GPC6: variants seen among roughly 807,000 people sequenced by gnomAD.
GPC6 encodes the protein glypican-6.
A neutral mutation model predicts 55.2 loss-of-function variants in GPC6; 14 were observed. The observed-to-expected ratio is 0.25, with a 90% CI of 0.17 to 0.40. The LOEUF (loss-of-function observed/expected upper bound fraction) is 0.40, where lower values mean the gene tolerates loss of function less well. GPC6 is among the 10% of genes least tolerant of loss of function. GPC6 has a pLI of 1.00. For synonymous variants in GPC6, 278 were observed against 259.6 expected (o/e 1.07, Z -0.68); for missense variants, 641 against 708.5 (o/e 0.90, Z 1.08).
At chr13:93,568,683 T>A (rs1470793297) in intron 2 of GPC6, among the ~76,000 whole-genome samples, 1 of 152,146 alleles carries the variant, frequency 6.6e-6, no homozygotes, top group Admixed American at 6.6e-5. Flanking sequence ...CCTCTGCACA[T>A]CCTTACAACA....
At chr13:93,726,100 T>TCACACA (rs1358564731) in intron 2 of GPC6, among the ~76,000 whole-genome samples, 4 of 93,720 alleles carry the variant, frequency 4.3e-5, no homozygotes, top group South Asian at 4.0e-4. Flanking sequence ...ACTTTTTCCT[T>TCACACA]CATACACACA....
At chr13:93,781,070 G>A (rs899050125) in intron 2 of GPC6, among the ~76,000 whole-genome samples, 1 of 151,794 alleles carries the variant, frequency 6.6e-6, no homozygotes, top group Non-Finnish European at 1.5e-5. Context: ...AAGGTCCAGA[G>A]ATCGAGACCA....
chr13:94,006,762 G>A (rs1304116422), intron 3 of GPC6, among the ~76,000 whole-genome samples: 1 of 152,152 alleles, frequency 6.6e-6, no homozygotes, highest in East Asian at 1.9e-4. Flanking sequence ...TCCGTTTCCA[G>A]AGATGAAATT....
At chr13:94,199,409 T>C (rs528521286) in intron 4 of GPC6, among the ~76,000 whole-genome samples, 3 of 152,294 alleles carry the variant, frequency 2.0e-5, no homozygotes, top group Admixed American at 1.3e-4. Flanking sequence ...TAGACTAGCC[T>C]GCATAACCAG....
intron 4 of GPC6, among the ~76,000 whole-genome samples, chr13:94,092,311 C>T (rs1421837201): frequency 6.6e-6 from 1 of 151,994 alleles, no homozygotes; most frequent in African/African-American, 2.4e-5. Context: ...CCCACTTGCC[C>T]CTGCCAACCA....
intron 7 of GPC6, among the ~76,000 whole-genome samples, chr13:94,391,634 A>G (rs1365054764): frequency 6.6e-6 from 1 of 152,252 alleles, no homozygotes; most frequent in African/African-American, 2.4e-5. Flanking sequence ...AATTTTTAAC[A>G]TTGTGGTGAA....
intron 4 of GPC6, among the ~76,000 whole-genome samples, chr13:94,176,842 G>A (rs950976312): frequency 6.6e-6 from 1 of 152,138 alleles, no homozygotes; most frequent in Non-Finnish European, 1.5e-5. Flanking sequence ...CGGGGTGAAA[G>A]AAAGAATCCT....
chr13:94,062,196 T>C (rs1467760057), intron 4 of GPC6, among the ~76,000 whole-genome samples: 1 of 152,152 alleles, frequency 6.6e-6, no homozygotes, highest in Non-Finnish European at 1.5e-5. Flanking sequence ...TCCCAGATTA[T>C]TTAGTAACTA....
intron 1 of GPC6, among the ~76,000 whole-genome samples, chr13:93,407,421 T>C (rs1876335054): frequency 6.6e-6 from 1 of 152,130 alleles, no homozygotes; most frequent in African/African-American, 2.4e-5. Context: ...CATTGTATTT[T>C]ATGGCTGAGA....
At chr13:93,947,254 A>C (rs1277720533) in intron 3 of GPC6, among the ~76,000 whole-genome samples, 2 of 152,118 alleles carry the variant, frequency 1.3e-5, no homozygotes, top group Non-Finnish European at 2.9e-5. Flanking sequence ...AAGATGTGTA[A>C]AGGCAAGACA....
chr13:93,966,941 C>T (rs890805233), intron 3 of GPC6, among the ~76,000 whole-genome samples: 2 of 152,082 alleles, frequency 1.3e-5, no homozygotes, highest in Non-Finnish European at 1.5e-5. Context: ...GGGCATGAGC[C>T]ACTGCACCCG....
chr13:93,726,396 TCCTAA>T (rs1440372552), intron 2 of GPC6, among the ~76,000 whole-genome samples: 1 of 152,050 alleles, frequency 6.6e-6, no homozygotes, highest in East Asian at 1.9e-4. Flanking sequence ...CCAATAACCT[TCCTAA>T]CCCAAACCAG....
At chr13:93,812,385 C>T (rs9524234) in intron 2 of GPC6, among the ~76,000 whole-genome samples, 45,796 of 147,714 alleles carry the variant, frequency 0.31, 7,104 homozygotes, top group African/African-American at 0.35. Context: ...GACTCTGTCT[C>T]GGAAAAAAAA....
intron 1 of GPC6, among the ~76,000 whole-genome samples, chr13:93,501,113 A>G (rs1328233900): frequency 5.9e-5 from 9 of 152,292 alleles, no homozygotes; most frequent in African/African-American, 2.2e-4. Context: ...ATAAGATGAA[A>G]AACACTTGTA....
intron 2 of GPC6, among the ~76,000 whole-genome samples, chr13:93,784,800 G>T (rs530131137): frequency 6.6e-6 from 1 of 152,276 alleles, no homozygotes; most frequent in East Asian, 1.9e-4. Flanking sequence ...ATGGCTGATT[G>T]TGATATGGTG....
chr13:94,248,728 A>G (rs1313234271), intron 4 of GPC6, among the ~76,000 whole-genome samples: 2 of 151,964 alleles, frequency 1.3e-5, no homozygotes, highest in African/African-American at 4.8e-5. Context: ...CAAAACCCCC[A>G]AAGTAGAAAC....
chr13:94,394,945 G>A (rs1880830522), intron 7 of GPC6, among the ~76,000 whole-genome samples: 1 of 152,100 alleles, frequency 6.6e-6, no homozygotes, highest in Admixed American at 6.6e-5. Flanking sequence ...TCTGATAAAT[G>A]ACTCTCAGCT....
intron 3 of GPC6, among the ~76,000 whole-genome samples, chr13:93,956,870 C>T (rs1879531380): frequency 6.6e-6 from 1 of 152,168 alleles, no homozygotes; most frequent in African/African-American, 2.4e-5. Flanking sequence ...ACAGAAAATC[C>T]TTACACCACT....
chr13:94,340,018 C>T (rs1877951543), intron 6 of GPC6, among the ~76,000 whole-genome samples: 1 of 152,116 alleles, frequency 6.6e-6, no homozygotes, highest in African/African-American at 2.4e-5. Context: ...CCGCCTCACC[C>T]TCCCAAAGTG....
Sources: allele counts gnomAD v4.1 joint callset (sites outside exome capture counted in the v4.1 genomes callset), GRCh38; gene constraint gnomAD v4.1.1; transcripts MANE v1.5; gene names NCBI Gene and HGNC (gene_info 2026-07-23, HGNC 2026-07-21).